Variants in SBF2 observed in about 807,000 individuals in gnomAD.
SBF2 encodes myotubularin-related protein 13.
A neutral mutation model predicts 225.2 loss-of-function variants in SBF2; 112 were observed. The ratio of observed to expected loss-of-function variants is 0.50; its 90% CI spans 0.43 to 0.58. The LOEUF is 0.58. SBF2 is among the 20% of genes least tolerant of loss of function. The probability of loss-of-function intolerance (pLI) is 0.00; values close to 1 mark genes in which losing one functional copy is unlikely to be tolerated. For missense variants in SBF2, 1,996 were observed against 2,206.2 expected, an observed-to-expected ratio of 0.90 and a Z score of 1.91; for synonymous variants, 763 against 773.3, an observed-to-expected ratio of 0.99 and a Z score of 0.22.
intron 1 of SBF2, among the ~76,000 whole-genome samples, chr11:10,289,822 C>A (rs1040828190): frequency 6.6e-6 from 1 of 152,192 alleles, no homozygotes; most frequent in Non-Finnish European, 1.5e-5. Flanking sequence ...CCTCCTCACA[C>A]CCTCCCCGCA....
chr11:9,904,369 A>T (rs933641413), intron 16 of SBF2, among the ~76,000 whole-genome samples: 2 of 152,212 alleles, frequency 1.3e-5, no homozygotes, highest in Non-Finnish European at 2.9e-5. Flanking sequence ...GAAGCACTAC[A>T]TAATAATAAA....
intron 13 of SBF2, among the ~76,000 whole-genome samples, chr11:9,978,112 A>G (rs1946782508): frequency 6.6e-6 from 1 of 152,172 alleles, no homozygotes; most frequent in Non-Finnish European, 1.5e-5. Flanking sequence ...AAAAACAACA[A>G]CTGACTAGTT....
At position 10,057,832 on chromosome 11, in the gene SBF2, C is replaced by T. The variant is rs569535041; in HGVS notation, c.142-14851G>A. Among the ~76,000 whole-genome samples, 8 of 152,288 alleles carry T rather than the reference C, an allele frequency of 5.3e-5. No individual in the cohort carries two copies. In the East Asian group the frequency reaches 1.4e-3, roughly 26 times the overall value. On this transcript the variant is annotated intron_variant, in intron 2 of 39. Coordinates refer to ENST00000256190, the MANE Select transcript of SBF2 (RefSeq NM_030962.4). The stretch of plus-strand genomic sequence containing the variant: ...GGAAGCCACACAACCAAGCAAGAAT[C>T]AACCAACTGACCAATAAGCCTAAGT...
intron 16 of SBF2, among the ~76,000 whole-genome samples, chr11:9,939,395 C>T (rs1309002026): frequency 6.6e-6 from 1 of 152,160 alleles, no homozygotes; most frequent in Non-Finnish European, 1.5e-5. Flanking sequence ...TGCGCCCGGC[C>T]TAAACATGCA....
intron 9 of SBF2, among the ~76,000 whole-genome samples, chr11:9,997,741 GCA>G: frequency 6.6e-6 from 1 of 152,224 alleles, no homozygotes; most frequent in Admixed American, 6.5e-5. Context: ...TCGTGCCACT[GCA>G]CTCCAGCCTG....
At chr11:9,945,071 C>T (rs553655038) in intron 16 of SBF2, among the ~76,000 whole-genome samples, 3 of 152,244 alleles carry the variant, frequency 2.0e-5, no homozygotes, top group Non-Finnish European at 4.4e-5. Flanking sequence ...CACCACTGCA[C>T]TCCAGCCTGA....
chr11:9,851,285 T>C (rs1856932449), intron 21 of SBF2, among the ~76,000 whole-genome samples: 1 of 152,134 alleles, frequency 6.6e-6, no homozygotes, highest in Non-Finnish European at 1.5e-5. Context: ...AAGGCAATGG[T>C]ATCACAGTTA....
rs1258694616 is a variant in SBF2 at position 9,797,502 on chromosome 11, T to C, written c.4444-1545A>G. Among the ~76,000 whole-genome samples the C allele has an allele frequency of 2.0e-5, 3 of 152,156 alleles. No individual in the cohort carries two copies. The East Asian group carries it at 5.8e-4, about 29-fold the overall frequency. On this transcript the variant is annotated intron_variant, in intron 32 of 39. Transcript: ENST00000256190. ...GCCAATGCCTTCCTGTTGCATCAGA[T>C]CTCCACAGGACAGCAGAGCTTTCCA...
chr11:9,995,503 TA>T (rs1947652077), intron 9 of SBF2, among the ~76,000 whole-genome samples: 1 of 152,224 alleles, frequency 6.6e-6, no homozygotes, highest in Non-Finnish European at 1.5e-5. Context: ...ACAGTTTAAG[TA>T]CAGTGTTGCC....
At position 9,784,510 on chromosome 11, in the gene SBF2, CTGT is replaced by C. The variant is rs1852242131; in HGVS notation, c.5232-75_5232-73del. On this transcript the variant is annotated intron_variant, in intron 37 of 39. Coordinates refer to ENST00000256190, the MANE Select transcript of SBF2 (RefSeq NM_030962.4). ...AAATGCTGTAAAGGGGAGGGGATAT[CTGT>C]TGTTTTTGTCAAGTCTCTATTTCCC... 4 of 1,211,676 alleles carry C rather than the reference CTGT, an allele frequency of 3.3e-6. No homozygotes were observed. In the Admixed American group the frequency reaches 5.4e-5, roughly 16 times the overall value. The allele number at this position is 1,211,676 out of a possible 1,614,324, so 75.1% of individuals were successfully genotyped here. A position where few individuals can be genotyped will look rare whatever the true frequency, so the allele number is the denominator to read the frequency against.
intron 2 of SBF2, among the ~76,000 whole-genome samples, chr11:10,166,865 G>A (rs1265715493): frequency 6.6e-6 from 1 of 152,040 alleles, no homozygotes; most frequent in Non-Finnish European, 1.5e-5. Context: ...AGGAGACTGA[G>A]GCGGGAGAAT....
rs182654258 is a variant in SBF2, at chr11:10,220,021, T to C, written c.56-26034A>G. On this transcript the variant is annotated intron_variant, in intron 1 of 39. Coordinates refer to ENST00000256190, the MANE Select transcript of SBF2 (RefSeq NM_030962.4). The stretch of plus-strand genomic sequence containing the variant: ...TACAGAGTGCCCCCCTACCTCAGTA[T>C]CAATTTACTGTTTTAATCTGTTCTG... Among the ~76,000 whole-genome samples the C allele has an allele frequency of 8.2e-4, 125 of 152,276 alleles. No homozygotes were observed. In the Middle Eastern group the frequency reaches 0.01, roughly 12 times the overall value.
rs1392928983 is a variant in SBF2, at chr11:9,845,752, A to G, written c.2935-12T>C. 4.3e-6 allele frequency: 7 copies of G among 1,612,936 alleles called. No individual in the cohort carries two copies. Among genetic ancestry groups the G allele is most frequent in the Non-Finnish European group, 5.9e-6 (7 of 1,178,946 alleles). On this transcript the variant is annotated splice_polypyrimidine_tract_variant and intron_variant, in intron 23 of 39. Coordinates refer to ENST00000256190, the MANE Select transcript of SBF2 (RefSeq NM_030962.4). ...GCTACCTTAATCAACTAGAAGCAAA[A>G]GAGATTAAACACAAAAGAAGCATTA...
At chr11:10,035,176 G>A (rs918896030) in intron 3 of SBF2, among the ~76,000 whole-genome samples, 18 of 151,728 alleles carry the variant, frequency 1.2e-4, no homozygotes, top group Non-Finnish European at 1.9e-4. Context: ...GGGTTTCACC[G>A]TGTTAGCCAG....
intron 2 of SBF2, among the ~76,000 whole-genome samples, chr11:10,081,236 A>G (rs559703348): frequency 6.6e-6 from 1 of 152,332 alleles, no homozygotes; most frequent in African/African-American, 2.4e-5. Flanking sequence ...TTCTTGGACC[A>G]CAGTGGAATA....
At chr11:9,933,346 C>T (rs1437261128) in intron 16 of SBF2, among the ~76,000 whole-genome samples, 10 of 152,150 alleles carry the variant, frequency 6.6e-5, no homozygotes, top group Admixed American at 5.2e-4. Flanking sequence ...CCCAAATCAA[C>T]AGAATATACA....
rs1038056994 is a variant in SBF2, at chr11:9,983,949, C to A, written c.1395+5548G>T. ...ACAACAGCCTTCAGTCCTAGACCTTCCCTCTGACAGAGCTTACCCAAATAA... is the reference window on the plus strand; with the variant it reads ...ACAACAGCCTTCAGTCCTAGACCTTACCTCTGACAGAGCTTACCCAAATAA... On this transcript the variant is annotated intron_variant, in intron 13 of 39. Coordinates refer to ENST00000256190, the MANE Select transcript of SBF2 (RefSeq NM_030962.4). Among the ~76,000 whole-genome samples, 10 of 152,308 alleles carry A rather than the reference C, an allele frequency of 6.6e-5. No individual in the cohort carries two copies. The East Asian group carries it at 1.9e-3, about 29-fold the overall frequency.
intron 31 of SBF2, chr11:9,808,389 C>T (rs1052699976): frequency 3.3e-6 from 2 of 607,356 alleles, no homozygotes; most frequent in Non-Finnish European, 2.9e-6. Context: ...ATTTTGGCTA[C>T]AAGTTTACTT....
intron 13 of SBF2, among the ~76,000 whole-genome samples, chr11:9,987,433 GAAAGAA>G (rs1947249564): frequency 1.3e-5 from 2 of 152,100 alleles, no homozygotes; most frequent in Non-Finnish European, 2.9e-5. Context: ...TCAGACAAGA[GAAAGAA>G]ATAAAGGGCA....
Sources: gnomAD v4.1 joint callset for allele counts (sites outside exome capture counted in the v4.1 genomes callset) on GRCh38, gnomAD v4.1.1 for gene constraint, MANE v1.5 for transcripts, NCBI Gene and HGNC (gene_info 2026-07-23, HGNC 2026-07-21) for gene names.